Variants in FA2H observed in about 807,000 individuals in gnomAD.
FA2H encodes the protein fatty acid alpha-hydroxylase.
A neutral mutation model predicts 44.9 loss-of-function variants in FA2H; 22 were observed. The ratio of observed to expected loss-of-function variants is 0.49; its 90% CI spans 0.35 to 0.70. FA2H has a LOEUF of 0.70. FA2H is among the 30% of genes least tolerant of loss of function. The probability of loss-of-function intolerance (pLI) is 0.01; values close to 1 mark genes in which losing one functional copy is unlikely to be tolerated. For synonymous variants in FA2H, 243 were observed against 213.2 expected, an observed-to-expected ratio of 1.14 and a Z score of -1.22; for missense variants, 501 against 504.9, an observed-to-expected ratio of 0.99 and a Z score of 0.07.
intron 1 of FA2H, among the ~76,000 whole-genome samples, chr16:74,754,618 C>T (rs1053657494): frequency 1.3e-5 from 2 of 151,976 alleles, no homozygotes; most frequent in African/African-American, 4.8e-5. Context: ...ACCTCTGACT[C>T]CTGGGCTCAA....
In FA2H at chr16:74,774,559, G is replaced by C. The variant is rs1360240159; in HGVS notation, c.197C>G (p.Pro66Arg). Residue 66 changes from proline (P) to arginine (R), a missense_variant, in exon 1 of 7, where the codon CCG becomes CGG. Pro to Arg is a moderately radical substitution (Grantham distance 103). Coordinates refer to ENST00000219368, the MANE Select transcript of FA2H (RefSeq NM_024306.5). The part of the protein sequence containing the change: ...QDISADLDGP[P>R]HRHSANARRW... ...GCGCGCGTTGGCCGAGTGCCTGTGC[G>C]GCGGCCCGTCCAGGTCGGCGCTGAT... 5 of 1,544,092 alleles carry C rather than the reference G, an allele frequency of 3.2e-6. No homozygotes were observed. In the African/African-American group the frequency reaches 4.2e-5, roughly 13 times the overall value.
chr16:74,727,115 C>T (rs1256979398), intron 3 of FA2H, 129 bp downstream of exon 3: 2 of 1,282,574 alleles, frequency 1.6e-6, no homozygotes, highest in African/African-American at 1.5e-5. Context: ...CATGTTCCTC[C>T]CTCCCTGACA....
chr16:74,771,315 C>T (rs1003155534), intron 1 of FA2H, among the ~76,000 whole-genome samples: 61 of 152,026 alleles, frequency 4.0e-4, no homozygotes, highest in African/African-American at 1.4e-3. Flanking sequence ...CTCAGCCTCC[C>T]GAGCAGCTGG....
chr16:74,737,762 G>A (rs946760977), intron 2 of FA2H, among the ~76,000 whole-genome samples: 2 of 152,116 alleles, frequency 1.3e-5, no homozygotes, highest in African/African-American at 2.4e-5. Flanking sequence ...ACCCACCCCA[G>A]GCCTGGGGAC....
At chr16:74,747,156 C>T (rs1305544701) in intron 1 of FA2H, among the ~76,000 whole-genome samples, 1 of 151,830 alleles carries the variant, frequency 6.6e-6, no homozygotes, top group African/African-American at 2.4e-5. Context: ...ACTAAAAATA[C>T]AAAAATTAGC....
chr16:74,721,052 ATGT>A (rs1157611902), intron 4 of FA2H, among the ~76,000 whole-genome samples: 1 of 152,144 alleles, frequency 6.6e-6, no homozygotes, highest in East Asian at 1.9e-4. Context: ...GTGTGAAAAG[ATGT>A]TGTCCTTTCT....
chr16:74,748,665 G>C (rs1385212999), intron 1 of FA2H, among the ~76,000 whole-genome samples: 7 of 152,064 alleles, frequency 4.6e-5, no homozygotes, highest in Admixed American at 4.6e-4. Context: ...CTTGGACGGC[G>C]CACGGGGGAG....
At chr16:74,770,856 G>A (rs1203592827) in intron 1 of FA2H, among the ~76,000 whole-genome samples, 1 of 152,252 alleles carries the variant, frequency 6.6e-6, no homozygotes, top group Non-Finnish European at 1.5e-5. Flanking sequence ...AAGTAAGGAT[G>A]TCTGCAGCAT....
intron 1 of FA2H, among the ~76,000 whole-genome samples, chr16:74,764,572 G>C (rs1430720843): frequency 6.6e-6 from 1 of 152,110 alleles, no homozygotes; most frequent in African/African-American, 2.4e-5. Context: ...CTCCACCCGA[G>C]GGTGCAGGAT....
chr16:74,749,405 C>A (rs1335951101), intron 1 of FA2H, among the ~76,000 whole-genome samples: 1 of 151,148 alleles, frequency 6.6e-6, no homozygotes, highest in African/African-American at 2.4e-5. Flanking sequence ...ATGGGCCCTG[C>A]AGGCCACCGT....
chr16:74,740,620 A>AAATAATAATAAT (rs71378704), intron 1 of FA2H, among the ~76,000 whole-genome samples: 79 of 135,376 alleles, frequency 5.8e-4, no homozygotes, highest in East Asian at 2.0e-3. Flanking sequence ...CTCCATCTCA[A>AAATAATAATAAT]AATAATAATA....
In FA2H at chr16:74,727,345, G is replaced by A. The variant is rs776875732; in HGVS notation, c.405C>T (p.Gly135=). ...DWRKPLLWQV[G]HLGEKYDEWV... ...ACTCATCGTACTTCTCTCCCAAGTGGCCCACCTGCCACAGGAGAGGCTTTC... is the reference window on the plus strand; with the variant it reads ...ACTCATCGTACTTCTCTCCCAAGTGACCCACCTGCCACAGGAGAGGCTTTC... Residue 135 remains glycine, a synonymous_variant, in exon 3 of 7, where the codon GGC becomes GGT. Transcript: ENST00000219368. 1 of 1,613,762 alleles carries A rather than the reference G, an allele frequency of 6.2e-7. No homozygotes were observed. Among genetic ancestry groups the A allele is most frequent in the Admixed American group, 1.7e-5 (1 of 60,014 alleles).
At chr16:74,766,196 T>G (rs368324709) in intron 1 of FA2H, among the ~76,000 whole-genome samples, 10 of 151,936 alleles carry the variant, frequency 6.6e-5, no homozygotes, top group African/African-American at 1.9e-4. Context: ...CTACTCGGGA[T>G]GCTGAGGCAG....
chr16:74,724,870 A>C (rs1017277515), intron 4 of FA2H, among the ~76,000 whole-genome samples: 2 of 152,056 alleles, frequency 1.3e-5, no homozygotes, highest in African/African-American at 4.8e-5. Context: ...CTGTCTGCCC[A>C]TCCGGCCGGA....
intron 1 of FA2H, among the ~76,000 whole-genome samples, chr16:74,748,428 C>T (rs188172221): frequency 5.4e-4 from 83 of 152,348 alleles, no homozygotes; most frequent in African/African-American, 1.9e-3. Flanking sequence ...AGGCATTCCA[C>T]ACACGGGGGA....
intron 1 of FA2H, among the ~76,000 whole-genome samples, chr16:74,745,554 C>A (rs1179991182): frequency 6.6e-6 from 1 of 152,204 alleles, no homozygotes; most frequent in African/African-American, 2.4e-5. Flanking sequence ...ACGGGGTCAG[C>A]AGGCACTGCT....
At chr16:74,773,804 A>T (rs1263016830) in intron 1 of FA2H, among the ~76,000 whole-genome samples, 2 of 152,224 alleles carry the variant, frequency 1.3e-5, no homozygotes, top group Non-Finnish European at 2.9e-5. Flanking sequence ...AGCTCAGCAC[A>T]CAGTCTGGTC....
chr16:74,755,080 A>T (rs1962590299), intron 1 of FA2H, among the ~76,000 whole-genome samples: 2 of 152,098 alleles, frequency 1.3e-5, no homozygotes, highest in Admixed American at 1.3e-4. Context: ...TCTTCCTCGC[A>T]GCCTCTAGAG....
chr16:74,741,533 C>G (rs921338801), intron 1 of FA2H, among the ~76,000 whole-genome samples: 2 of 151,910 alleles, frequency 1.3e-5, no homozygotes, highest in Admixed American at 6.6e-5. Flanking sequence ...GGTGCAACAG[C>G]CCATGCCACC....
Sources: allele counts gnomAD v4.1 joint callset (sites outside exome capture counted in the v4.1 genomes callset), GRCh38; gene constraint gnomAD v4.1.1; transcripts MANE v1.5; gene names NCBI Gene and HGNC (gene_info 2026-07-23, HGNC 2026-07-21).